The following VWDE variants were observed in gnomAD, a reference collection of about 807,000 sequenced individuals.
VWDE encodes the protein von Willebrand factor D and EGF domains, also known as von Willebrand factor D and EGF domain-containing protein.
In VWDE, 207 loss-of-function variants were observed where a neutral mutation model predicts 178.4. That is an observed-to-expected ratio of 1.16 (90% confidence interval 1.04 to 1.30). The LOEUF (loss-of-function observed/expected upper bound fraction) is 1.30, where lower values mean the gene tolerates loss of function less well. VWDE is among the 50% of genes most tolerant of loss of function. The pLI, the probability that VWDE is intolerant of heterozygous loss-of-function variation, is 0.00. For synonymous variants in VWDE, 738 were observed against 651.4 expected, an observed-to-expected ratio of 1.13 and a Z score of -2.02; for missense variants, 2,287 against 1,901.3, an observed-to-expected ratio of 1.20 and a Z score of -3.77.
chr7:12,377,391 T>C (rs888054890), intron 7 of VWDE, among the ~76,000 whole-genome samples: 4 of 152,130 alleles, frequency 2.6e-5, no homozygotes, highest in African/African-American at 4.8e-5. Flanking sequence ...CAAATGTCTC[T>C]CATTGGGGAT....
Position 12,344,544 on chromosome 7 carries a change from T to C in VWDE, c.3887-75A>G. On this transcript the variant is annotated intron_variant, in intron 19 of 28. Transcript: ENST00000275358. ...ATATTGCTCAGAGACTTAGTTATGA[T>C]AGAAGCAAAAGTCTCTGAAGTTTGA... is the stretch of plus-strand genomic sequence containing the variant. 4 of 1,196,970 alleles carry C rather than the reference T, an allele frequency of 3.3e-6. 1 individual carries two copies. The highest frequency in any genetic ancestry group is 4.7e-6 in the Non-Finnish European group (4 of 852,186). The allele number at this position is 1,196,970 out of a possible 1,614,324, so 74.1% of individuals were successfully genotyped here.
At chr7:12,395,633 T>G (rs1218155506) in intron 1 of VWDE, among the ~76,000 whole-genome samples, 2 of 152,074 alleles carry the variant, frequency 1.3e-5, no homozygotes, top group African/African-American at 4.8e-5. Context: ...AATATTTATC[T>G]TATAAGATAA....
Position 12,403,705 on chromosome 7 carries a change from T to G in VWDE, c.12A>C (p.Gly4=), listed in dbSNP as rs533318745. The part of the protein sequence containing the change: MPG[G]ACVLVIALMF... Reference sequence around the variant, plus strand: ...TCAGCGCGATCACCAGCACGCAGGCTCCGCCAGGCATCGCTGCTTCCGCAG... The same window carrying G: ...TCAGCGCGATCACCAGCACGCAGGCGCCGCCAGGCATCGCTGCTTCCGCAG... Residue 4 remains glycine, a synonymous_variant, in exon 1 of 29, where the codon GGA becomes GGC. Coordinates refer to ENST00000275358, the MANE Select transcript of VWDE (RefSeq NM_001135924.3). 6.5e-7 allele frequency: 1 copy of G among 1,549,692 alleles called. No individual in the cohort carries two copies. The highest frequency in any genetic ancestry group is 2.0e-5 in the Admixed American group (1 of 50,996).
Position 12,344,167 on chromosome 7 carries a change from A to G in VWDE, c.4078+28T>C, listed in dbSNP as rs1428587086. 3 of 1,538,668 alleles carry G rather than the reference A, an allele frequency of 1.9e-6. No homozygotes were observed. The Admixed American group carries it at 5.9e-5, about 30-fold the overall frequency. Reference sequence around the variant, plus strand: ...AAAATTATGCTATATTTTAGGCCTTATATTTGATTTTTAATTTGAATTATC... The same window carrying G: ...AAAATTATGCTATATTTTAGGCCTTGTATTTGATTTTTAATTTGAATTATC... On this transcript the variant is annotated intron_variant, in intron 21 of 28. Coordinates refer to ENST00000275358, the MANE Select transcript of VWDE (RefSeq NM_001135924.3).
rs747718865 is a variant in VWDE at position 12,370,656 on chromosome 7, C to A, written c.1796G>T (p.Arg599Met). The A allele has an allele frequency of 1.9e-6, 3 of 1,550,102 alleles. No homozygotes were observed. The highest frequency in any genetic ancestry group is 2.6e-6 in the Non-Finnish European group (3 of 1,146,352). ...CGCAAGTGGAAAAATAGTGTCTTACCTCCATTCATTAATAAAAGCAACATA... is the reference window on the plus strand; with the variant it reads ...CGCAAGTGGAAAAATAGTGTCTTACATCCATTCATTAATAAAAGCAACATA... ...NNYVAFINEWRILPGKSMSDT... is the reference protein window; with the variant it reads ...NNYVAFINEWMILPGKSMSDT... Residue 599 changes from arginine to methionine, a missense_variant and splice_region_variant, in exon 11 of 29, where the codon AGG (arginine) becomes ATG (methionine). Transcript: ENST00000275358.
rs1424552763 is a variant in VWDE, at chr7:12,389,305, T to A, written c.297A>T (p.Glu99Asp). The change falls in exon 3 of 29, where the codon GAA becomes GAT. Residue 99 changes from glutamate to aspartate, a missense_variant. Physicochemically the swap from Glu to Asp is conservative, Grantham distance 45. Transcript: ENST00000275358. ...TGATCTCCCCAGGAGATGGCAGTGT[T>A]TCTGAATCTCTCAGAGACAGCCAGA... Reference protein sequence around the residue: ...APIWLSLRDSETLPSPGEIKQ... With the variant: ...APIWLSLRDSDTLPSPGEIKQ... 2 of 1,551,550 alleles carry A rather than the reference T, an allele frequency of 1.3e-6. No homozygotes were observed. The highest frequency in any genetic ancestry group is 1.7e-6 in the Non-Finnish European group (2 of 1,146,842).
At chr7:12,401,669 TAGA>T (rs1784901174) in intron 1 of VWDE, among the ~76,000 whole-genome samples, 1 of 152,158 alleles carries the variant, frequency 6.6e-6, no homozygotes, top group Admixed American at 6.5e-5. Context: ...ATGAAGAAGT[TAGA>T]AGCTTTACAC....
At chr7:12,339,081 G>A (rs1275010479) in intron 24 of VWDE, among the ~76,000 whole-genome samples, 6 of 151,176 alleles carry the variant, frequency 4.0e-5, no homozygotes, top group East Asian at 1.9e-4. Context: ...CTGAGGCATG[G>A]AGCCTTCAAG....
rs556930396 is a variant in VWDE at position 12,331,023 on chromosome 7, T to C, written c.*160A>G. The stretch of plus-strand genomic sequence containing the variant: ...TGGATTTCTTCTTTGCTTTTCTCTA[T>C]GATTACAACAGAGATCATTATGTAT... On this transcript the variant is annotated 3_prime_UTR_variant, in exon 29 of 29. Transcript: ENST00000275358. 3.1e-5 allele frequency: 17 copies of C among 545,374 alleles called. 1 individual carries two copies. The South Asian group carries it at 4.7e-4, about 15-fold the overall frequency. 33.8% of individuals were successfully genotyped at this position (545,374 alleles called of 1,614,324 possible).
At position 12,356,277 on chromosome 7, in the gene VWDE, C is replaced by T. The variant is rs1309240588; in HGVS notation, c.3579G>A (p.Arg1193=). 6.4e-7 allele frequency: 1 copy of T among 1,551,442 alleles called. No homozygotes were observed. Among genetic ancestry groups the T allele is most frequent in the African/African-American group, 1.4e-5 (1 of 72,982 alleles). ...CLNGGSCVSD[R]NFSPGSGVYL... ...ACACTCCACTCCCTGGAGAAAAGTT[C>T]CTATCAGATACACATGATCCACCAT... is the stretch of plus-strand genomic sequence containing the variant. The change falls in exon 18 of 29, where the codon AGG becomes AGA. Residue 1193 remains arginine (R), a synonymous_variant. Transcript: ENST00000275358.
chr7:12,388,520 G>A (rs188099478), intron 3 of VWDE, among the ~76,000 whole-genome samples: 3 of 152,186 alleles, frequency 2.0e-5, no homozygotes, highest in Admixed American at 6.5e-5. Flanking sequence ...CTTTAAAGAC[G>A]CTTCGTTTCC....
chr7:12,391,270 G>A (rs1583350210), intron 2 of VWDE, among the ~76,000 whole-genome samples: 1 of 152,124 alleles, frequency 6.6e-6, no homozygotes, highest in African/African-American at 2.4e-5. Context: ...TAATGCATAA[G>A]CATTATTTAA....
At position 12,351,702 on chromosome 7, in the gene VWDE, A is replaced by T. The variant is rs1362488312; in HGVS notation, c.3757T>A (p.Phe1253Ile). The change falls in exon 19 of 29, where the codon TTT (phenylalanine) becomes ATT (isoleucine). Residue 1253 changes from phenylalanine to isoleucine, a missense_variant. Phe to Ile is a conservative substitution (Grantham distance 21). Coordinates refer to ENST00000275358, the MANE Select transcript of VWDE (RefSeq NM_001135924.3). ...CPPELKVETQ[F>I]VNQFTTQTVV... ...GTTTGTGTAGTAAATTGATTTACAA[A>T]CTGTGTTTCAACTGTAAATGAGAAC... 1.9e-6 allele frequency: 3 copies of T among 1,543,782 alleles called. No homozygotes were observed. In the Admixed American group the frequency reaches 6.0e-5, roughly 31 times the overall value.
intron 13 of VWDE, among the ~76,000 whole-genome samples, chr7:12,363,061 A>G (rs1157473503): frequency 1.3e-5 from 2 of 152,118 alleles, no homozygotes; most frequent in Non-Finnish European, 2.9e-5. Flanking sequence ...TATGTGCTGA[A>G]AATATCTCAG....
At chr7:12,346,085 T>C (rs1273946471) in intron 19 of VWDE, among the ~76,000 whole-genome samples, 1 of 152,164 alleles carries the variant, frequency 6.6e-6, no homozygotes, top group Non-Finnish European at 1.5e-5. Context: ...AACATTGTAG[T>C]AGGAGCTGTG....
At chr7:12,387,961 T>C (rs934680805) in intron 3 of VWDE, among the ~76,000 whole-genome samples, 10 of 152,298 alleles carry the variant, frequency 6.6e-5, no homozygotes, top group African/African-American at 2.2e-4. Context: ...AGCCATGATA[T>C]ATTTGTCAAA....
chr7:12,353,356 C>T (rs1383326962), intron 18 of VWDE, among the ~76,000 whole-genome samples: 1 of 152,180 alleles, frequency 6.6e-6, no homozygotes, highest in Non-Finnish European at 1.5e-5. Flanking sequence ...CCTCATTTAA[C>T]CTTAATTACT....
At chr7:12,343,248 C>A in intron 21 of VWDE, 70 bp from the exon 22 acceptor site, 4 of 1,102,046 alleles carry the variant, frequency 3.6e-6, no homozygotes, top group Non-Finnish European at 3.9e-6. Context: ...TTATAAAGCA[C>A]TGTCACAATA....
rs1180564414 is a variant in VWDE, at chr7:12,393,972, G to A, written c.59-194C>T. Among the ~76,000 whole-genome samples, 9 of 152,172 alleles carry A rather than the reference G, an allele frequency of 5.9e-5. No homozygotes were observed. In the East Asian group the frequency reaches 1.5e-3, roughly 26 times the overall value. On this transcript the variant is annotated intron_variant, in intron 1 of 28. Transcript: ENST00000275358. ...ACTAACTTGCATGTTTCATAAATGC[G>A]ATAAACAAATCAACAAAACTCTTTA...
Sources: allele counts gnomAD v4.1 joint callset (sites outside exome capture counted in the v4.1 genomes callset), GRCh38; gene constraint gnomAD v4.1.1; transcripts MANE v1.5; gene names NCBI Gene and HGNC (gene_info 2026-07-23, HGNC 2026-07-21).